The following EML6 variants were observed in gnomAD, a reference collection of about 807,000 sequenced individuals.
EML6 encodes echinoderm microtubule-associated protein-like 6.
EML6 carries 154 observed loss-of-function variants against 240.1 expected under a neutral mutation model. That is an observed-to-expected ratio of 0.64 (90% confidence interval 0.56 to 0.73). The LOEUF (loss-of-function observed/expected upper bound fraction) is 0.73. Among genes scored for constraint, EML6 ranks in the 30% least tolerant of loss-of-function variants. The pLI, the probability that EML6 is intolerant of heterozygous loss-of-function variation, is 0.00. For synonymous variants in EML6, 1,148 were observed against 899.0 expected, an observed-to-expected ratio of 1.28 and a Z score of -4.95; for missense variants, 2,964 against 2,474.6, an observed-to-expected ratio of 1.20 and a Z score of -4.20.
At chr2:54,855,082 G>T (rs1057062188) in intron 11 of EML6, among the ~76,000 whole-genome samples, 1 of 152,128 alleles carries the variant, frequency 6.6e-6, no homozygotes, top group African/African-American at 2.4e-5. Context: ...ATGGAAATGT[G>T]GATCTATTAG....
Position 54,910,733 on chromosome 2 carries a change from A to G in EML6, c.3410-221A>G, listed in dbSNP as rs528334233. On this transcript the variant is annotated intron_variant, in intron 24 of 41. Coordinates refer to ENST00000356458, the MANE Select transcript of EML6 (RefSeq NM_001039753.4). The stretch of plus-strand genomic sequence containing the variant: ...TTCTGTTATTTGAAGGATGTTGAAG[A>G]TCAAATATTATGAAGTCCATATTCT... 7.9e-4 allele frequency among the ~76,000 whole-genome samples: 121 copies of G among 152,324 alleles called. 2 individuals carry two copies. The highest frequency in any genetic ancestry group is 2.9e-3 in the African/African-American group (119 of 41,576).
intron 5 of EML6, among the ~76,000 whole-genome samples, chr2:54,824,769 G>A (rs1203463167): frequency 2.0e-5 from 3 of 152,088 alleles, no homozygotes; most frequent in Admixed American, 2.0e-4. Context: ...GGGACTTCAG[G>A]GACTACCTAG....
intron 2 of EML6, among the ~76,000 whole-genome samples, chr2:54,793,352 TGAA>T (rs1669565489): frequency 6.8e-6 from 1 of 147,186 alleles, no homozygotes. Context: ...TTTATTTTCC[TGAA>T]GAAGTATAAG....
rs1311730485 is a variant in EML6 at position 54,916,735 on chromosome 2, T to A, written c.3499-24T>A. On this transcript the variant is annotated intron_variant, in intron 25 of 41. Transcript: ENST00000356458. ...AAACAAACTAGGTTGTGCAAAAATATCATTCTCTTTCGTTCTTTTTCAGAT... is the reference window on the plus strand; with the variant it reads ...AAACAAACTAGGTTGTGCAAAAATAACATTCTCTTTCGTTCTTTTTCAGAT... 7.5e-6 allele frequency: 11 copies of A among 1,467,268 alleles called. No individual in the cohort carries two copies. In the East Asian group the frequency reaches 2.3e-4, roughly 30 times the overall value. 90.9% of individuals were successfully genotyped at this position (1,467,268 alleles called of 1,614,324 possible). A position where few individuals can be genotyped will look rare whatever the true frequency, so the allele number is the denominator to read the frequency against.
chr2:54,929,611 G>C (rs916152226), intron 28 of EML6, among the ~76,000 whole-genome samples: 20 of 152,110 alleles, frequency 1.3e-4, no homozygotes, highest in African/African-American at 4.8e-4. Flanking sequence ...TTTGCATTTA[G>C]TATGGCTTTC....
intron 10 of EML6, among the ~76,000 whole-genome samples, chr2:54,850,532 G>GAT: frequency 6.6e-6 from 1 of 151,514 alleles, no homozygotes; most frequent in South Asian, 2.1e-4. Flanking sequence ...ATGGACAAAA[G>GAT]ATATATATCT....
intron 10 of EML6, chr2:54,850,427 C>A: frequency 1.9e-6 from 1 of 538,700 alleles, no homozygotes; most frequent in South Asian, 2.6e-5. Flanking sequence ...TGAGTTGGAA[C>A]ATGTTAAACT....
intron 2 of EML6, among the ~76,000 whole-genome samples, chr2:54,802,228 C>T (rs551086493): frequency 2.0e-4 from 31 of 152,200 alleles, no homozygotes; most frequent in African/African-American, 7.0e-4. Flanking sequence ...AGAATGCCCC[C>T]GATACAAGCA....
chr2:54,910,076 C>T lies in EML6; in HGVS notation c.3410-878C>T, dbSNP rs565814205. 8.8e-4 allele frequency among the ~76,000 whole-genome samples: 133 copies of T among 151,956 alleles called. 2 individuals are homozygous for T. The highest frequency in any genetic ancestry group is 2.9e-3 in the African/African-American group (121 of 41,432). On this transcript the variant is annotated intron_variant, in intron 24 of 41. Transcript: ENST00000356458. The stretch of plus-strand genomic sequence containing the variant: ...ATTATTTATAGGTGAAATATTATGA[C>T]GTCTGAAATTTGCTTCAAAATAATC...
intron 2 of EML6, among the ~76,000 whole-genome samples, chr2:54,803,540 G>C (rs1048612594): frequency 2.0e-5 from 3 of 152,094 alleles, no homozygotes; most frequent in African/African-American, 4.8e-5. Context: ...GTACCAATTA[G>C]TGAAGTGATT....
chr2:54,913,135 G>T (rs1041791453), intron 25 of EML6, among the ~76,000 whole-genome samples: 11 of 139,082 alleles, frequency 7.9e-5, no homozygotes, highest in African/African-American at 2.7e-4. Flanking sequence ...ACAGCATCTT[G>T]TGGTTTTGAT....
Position 54,916,881 on chromosome 2 carries a change from T to A in EML6, c.3621T>A (p.Leu1207=). The A allele has an allele frequency of 6.5e-7, 1 of 1,549,710 alleles. No homozygotes were observed. Among genetic ancestry groups the A allele is most frequent in the Non-Finnish European group, 8.7e-7 (1 of 1,145,330 alleles). ...NAASLTKDCS[L]LATGDDFGFV... is the part of the protein sequence containing the mutation. ...CCAGTCTTACCAAAGACTGTTCCCTTTTAGCCACCGGAGATGATTTTGGTT... is the reference window on the plus strand; with the variant it reads ...CCAGTCTTACCAAAGACTGTTCCCTATTAGCCACCGGAGATGATTTTGGTT... The change falls in exon 26 of 42, where the codon CTT becomes CTA. Residue 1207 remains leucine (L), a synonymous_variant. Coordinates refer to ENST00000356458, the MANE Select transcript of EML6 (RefSeq NM_001039753.4).
chr2:54,864,258 G>C (rs1670844253), intron 13 of EML6, among the ~76,000 whole-genome samples: 1 of 152,170 alleles, frequency 6.6e-6, no homozygotes, highest in African/African-American at 2.4e-5. Context: ...TACAAGGATG[G>C]ATACCCTTGA....
At chr2:54,941,482 A>G (rs1028787606) in intron 28 of EML6, among the ~76,000 whole-genome samples, 6 of 152,162 alleles carry the variant, frequency 3.9e-5, no homozygotes, top group African/African-American at 7.2e-5. Flanking sequence ...TCATTGATCA[A>G]TAGCTGTTTT....
chr2:54,906,998 C>T (rs1673360063), intron 24 of EML6, among the ~76,000 whole-genome samples: 1 of 152,176 alleles, frequency 6.6e-6, no homozygotes, highest in Admixed American at 6.5e-5. Context: ...AGCCGCCAGC[C>T]TCAGCAGCCT....
At chr2:54,937,016 A>T (rs1573179357) in intron 28 of EML6, among the ~76,000 whole-genome samples, 1 of 137,748 alleles carries the variant, frequency 7.3e-6, no homozygotes, top group South Asian at 2.2e-4. Context: ...ACAGTGGCTC[A>T]CGCCTGTAAT....
intron 33 of EML6, 92 bp from the exon 34 acceptor site, chr2:54,959,012 T>G: frequency 8.0e-7 from 1 of 1,253,298 alleles, no homozygotes; most frequent in Non-Finnish European, 1.1e-6. Context: ...TGTCTGCATC[T>G]CTAGCTCTGG....
chr2:54,846,923 A>ATTTTTTTTTTTTTTTTTTTTTTTTTT (rs34352060), intron 8 of EML6, among the ~76,000 whole-genome samples: 2 of 129,912 alleles, frequency 1.5e-5, no homozygotes, highest in African/African-American at 5.4e-5. Flanking sequence ...ATGAAGTAGT[A>ATTTTTTTTTTTTTTTTTTTTTTTTTT]TTTTTTTTTT....
chr2:54,786,803 C>A (rs996586452), intron 2 of EML6, among the ~76,000 whole-genome samples: 1 of 152,244 alleles, frequency 6.6e-6, no homozygotes, highest in Admixed American at 6.5e-5. Context: ...ATGTTCTCCC[C>A]TTTCCTCGGA....
Sources: gnomAD v4.1 joint callset for allele counts (sites outside exome capture counted in the v4.1 genomes callset) on GRCh38, gnomAD v4.1.1 for gene constraint, MANE v1.5 for transcripts, NCBI Gene and HGNC (gene_info 2026-07-23, HGNC 2026-07-21) for gene names.